Variants in GNA14 observed in about 807,000 individuals in gnomAD.
GNA14 encodes guanine nucleotide-binding protein subunit alpha-14.
A neutral mutation model predicts 42.0 loss-of-function variants in GNA14; 50 were observed. That is an observed-to-expected ratio of 1.19 (90% CI 0.95 to 1.51). The LOEUF (loss-of-function observed/expected upper bound fraction) is 1.51, where lower values mean the gene tolerates loss of function less well. Among genes scored for constraint, GNA14 ranks in the 40% most tolerant of loss-of-function variants. The pLI is 0.00. For synonymous variants in GNA14, 173 were observed against 163.1 expected (o/e 1.06, Z -0.46); for missense variants, 473 against 446.2 (o/e 1.06, Z -0.54).
intron 2 of GNA14, among the ~76,000 whole-genome samples, chr9:77,475,010 G>A (rs116484179): frequency 0.013 from 1,852 of 140,626 alleles, 41 homozygotes; most frequent in African/African-American, 0.053. Context: ...GGAAATAGGA[G>A]CATGATGGCT....
intron 1 of GNA14, among the ~76,000 whole-genome samples, chr9:77,535,527 C>T (rs1228718740): frequency 6.6e-6 from 1 of 151,924 alleles, no homozygotes; most frequent in Non-Finnish European, 1.5e-5. Context: ...CCAGCCTGGG[C>T]GACATGCGAG....
intron 2 of GNA14, among the ~76,000 whole-genome samples, chr9:77,520,891 A>C (rs756712558): frequency 1.1e-4 from 16 of 152,200 alleles, no homozygotes; most frequent in Non-Finnish European, 2.2e-4. Context: ...GGAATGGTCA[A>C]ATCAATGTTA....
At chr9:77,596,165 C>T (rs1823464185) in intron 1 of GNA14, among the ~76,000 whole-genome samples, 1 of 152,038 alleles carries the variant, frequency 6.6e-6, no homozygotes, top group African/African-American at 2.4e-5. Flanking sequence ...ATGCCAGTTA[C>T]ACCTAAGCTC....
chr9:77,485,780 A>G (rs1400414608), intron 2 of GNA14, among the ~76,000 whole-genome samples: 1 of 152,176 alleles, frequency 6.6e-6, no homozygotes, highest in African/African-American at 2.4e-5. Flanking sequence ...ATGAGTAGTA[A>G]TATTTTGAAA....
intron 2 of GNA14, among the ~76,000 whole-genome samples, chr9:77,443,133 A>T (rs1208086301): frequency 6.6e-6 from 1 of 152,242 alleles, no homozygotes; most frequent in Non-Finnish European, 1.5e-5. Context: ...TCTCACTGAT[A>T]GTGTAAACAA....
At chr9:77,555,224 G>A (rs540285877) in intron 1 of GNA14, among the ~76,000 whole-genome samples, 2 of 152,108 alleles carry the variant, frequency 1.3e-5, no homozygotes, top group Non-Finnish European at 2.9e-5. Context: ...AAACACACAT[G>A]GCTGGGTACA....
chr9:77,531,528 C>G (rs1837528590), intron 1 of GNA14, among the ~76,000 whole-genome samples: 1 of 152,176 alleles, frequency 6.6e-6, no homozygotes, highest in African/African-American at 2.4e-5. Context: ...ACGTCGGTCT[C>G]TTATTCCACC....
intron 1 of GNA14, among the ~76,000 whole-genome samples, chr9:77,637,169 T>C (rs12346778): frequency 0.02 from 3,000 of 152,300 alleles, 86 homozygotes; most frequent in East Asian, 0.075. Flanking sequence ...ATAGTTTCCA[T>C]TAAGAGGTAC....
chr9:77,568,026 G>T (rs189479758), intron 1 of GNA14, among the ~76,000 whole-genome samples: 14 of 152,256 alleles, frequency 9.2e-5, no homozygotes, highest in Admixed American at 3.9e-4. Flanking sequence ...GAGGAGGAAG[G>T]AAGACTAGAA....
chr9:77,428,791 G>T, intron 5 of GNA14, 116 bp downstream of exon 5: 1 of 1,015,728 alleles, frequency 9.8e-7, no homozygotes, highest in Non-Finnish European at 1.5e-6. Flanking sequence ...CACACTTTGA[G>T]TAGCAAGACT....
intron 2 of GNA14, among the ~76,000 whole-genome samples, chr9:77,516,203 G>A (rs1279923056): frequency 1.3e-5 from 2 of 152,080 alleles, no homozygotes; most frequent in African/African-American, 4.8e-5. Flanking sequence ...GTCTTCTCTT[G>A]GGCCCAATCT....
At chr9:77,431,070 G>A (rs989993372) in intron 4 of GNA14, among the ~76,000 whole-genome samples, 1 of 150,988 alleles carries the variant, frequency 6.6e-6, no homozygotes, top group African/African-American at 2.4e-5. Context: ...GTGTATGAGT[G>A]TGTGTTACAC....
chr9:77,479,312 T>C (rs188783396), intron 2 of GNA14, among the ~76,000 whole-genome samples: 1,586 of 152,330 alleles, frequency 0.01, 13 homozygotes, highest in Non-Finnish European at 0.017. Flanking sequence ...TTGTCAGGTT[T>C]GTCAAAGATC....
chr9:77,638,067 A>G (rs1353432305), intron 1 of GNA14, among the ~76,000 whole-genome samples: 1 of 152,230 alleles, frequency 6.6e-6, no homozygotes, highest in Non-Finnish European at 1.5e-5. Context: ...TAACATGGGT[A>G]TATCAACATG....
At chr9:77,608,696 C>G (rs1018055523) in intron 1 of GNA14, among the ~76,000 whole-genome samples, 2 of 146,936 alleles carry the variant, frequency 1.4e-5, no homozygotes, top group African/African-American at 5.0e-5. Context: ...ATGGCCCCAT[C>G]ATCCTATCCT....
chr9:77,482,086 G>T (rs1253064390), intron 2 of GNA14, among the ~76,000 whole-genome samples: 1 of 152,172 alleles, frequency 6.6e-6, no homozygotes, highest in Admixed American at 6.5e-5. Context: ...ATTTGGTCCT[G>T]TCATTATGAT....
intron 1 of GNA14, among the ~76,000 whole-genome samples, chr9:77,644,437 C>CCAAAAAAAAAAAAAAAAAAAAAAA (rs778013639): frequency 5.9e-5 from 2 of 34,012 alleles, no homozygotes; most frequent in Admixed American, 4.1e-4. Context: ...TAAAGAGTGT[C>CCAAAAAAAAAAAAAAAAAAAAAAA]AAAAAAAAAA....
At chr9:77,643,385 A>G (rs568464934) in intron 1 of GNA14, among the ~76,000 whole-genome samples, 15 of 152,098 alleles carry the variant, frequency 9.9e-5, no homozygotes, top group Non-Finnish European at 1.2e-4. Context: ...GATTACAAGC[A>G]TGTGCCACCA....
At chr9:77,576,173 G>A (rs968198102) in intron 1 of GNA14, among the ~76,000 whole-genome samples, 1 of 152,112 alleles carries the variant, frequency 6.6e-6, no homozygotes, top group African/African-American at 2.4e-5. Flanking sequence ...ATCATGGCTT[G>A]TTAAGGGAGA....
Sources: gnomAD v4.1 joint callset for allele counts (sites outside exome capture counted in the v4.1 genomes callset) on GRCh38, gnomAD v4.1.1 for gene constraint, MANE v1.5 for transcripts, NCBI Gene and HGNC (gene_info 2026-07-23, HGNC 2026-07-21) for gene names.